Variants in PDE3A observed in about 807,000 individuals in gnomAD.
PDE3A encodes the protein cGMP-inhibited 3',5'-cyclic phosphodiesterase 3A.
A neutral mutation model predicts 98.3 loss-of-function variants in PDE3A; 43 were observed. The ratio of observed to expected loss-of-function variants is 0.44; its 90% CI spans 0.34 to 0.56. The LOEUF is 0.56. Among genes scored for constraint, PDE3A ranks in the 20% least tolerant of loss-of-function variants. The pLI is 0.01. For synonymous variants in PDE3A, 663 were observed against 567.9 expected (o/e 1.17, Z -2.38); for missense variants, 1,427 against 1,440.7 (o/e 0.99, Z 0.15).
intron 15 of PDE3A, among the ~76,000 whole-genome samples, chr12:20,665,730 T>C (rs556227648): frequency 6.6e-6 from 1 of 152,268 alleles, no homozygotes; most frequent in South Asian, 2.1e-4. Context: ...CACTTGATTT[T>C]TTATAGTCAT....
In PDE3A at chr12:20,637,150, A is replaced by C. The variant is rs765934242; in HGVS notation, c.2052A>C (p.Ser684=). The C allele has an allele frequency of 1.2e-5, 20 of 1,609,766 alleles. No individual in the cohort carries two copies. Among genetic ancestry groups the C allele is most frequent in the Non-Finnish European group, 1.6e-5 (19 of 1,176,772 alleles). ...PEPLVMDNLD[S]IMEQLNTWNF... is the part of the protein sequence containing the mutation. ...CTCTTGTCATGGATAACCTGGACTCAATTATGGAGCAGCTAAATACTTGGA... is the reference window on the plus strand; with the variant it reads ...CTCTTGTCATGGATAACCTGGACTCCATTATGGAGCAGCTAAATACTTGGA... Residue 684 remains serine, a synonymous_variant, in exon 9 of 16, where the codon TCA becomes TCC. Transcript: ENST00000359062.
At chr12:20,473,891 G>A (rs1394159310) in intron 1 of PDE3A, among the ~76,000 whole-genome samples, 1 of 151,878 alleles carries the variant, frequency 6.6e-6, no homozygotes, top group African/African-American at 2.4e-5. Context: ...GTATTGATGG[G>A]TTTTTGGATT....
At chr12:20,567,346 A>G (rs1448031048) in intron 2 of PDE3A, among the ~76,000 whole-genome samples, 1 of 152,008 alleles carries the variant, frequency 6.6e-6, no homozygotes, top group African/African-American at 2.4e-5. Context: ...TGAATAATAA[A>G]GCCAAGAAGC....
intron 15 of PDE3A, among the ~76,000 whole-genome samples, chr12:20,664,506 C>T (rs112687181): frequency 1.3e-5 from 2 of 152,054 alleles, no homozygotes; most frequent in African/African-American, 4.8e-5. Context: ...TTTGCTGTGT[C>T]CCCACCCAAA....
chr12:20,472,268 C>G (rs988440949), intron 1 of PDE3A, among the ~76,000 whole-genome samples: 2 of 152,178 alleles, frequency 1.3e-5, no homozygotes, highest in Non-Finnish European at 2.9e-5. Flanking sequence ...TCAGTAAACT[C>G]TAGCCAACTA....
intron 2 of PDE3A, chr12:20,572,257 C>T (rs1252891579): frequency 2.4e-6 from 1 of 419,438 alleles, no homozygotes; most frequent in Non-Finnish European, 3.9e-6. Context: ...AAAATAAATT[C>T]ATAAAGTAAT....
chr12:20,582,057 A>G (rs897277845), intron 2 of PDE3A, among the ~76,000 whole-genome samples: 5 of 152,056 alleles, frequency 3.3e-5, no homozygotes, highest in Non-Finnish European at 5.9e-5. Flanking sequence ...AATTTTCCAA[A>G]CTCTTAGCAA....
intron 4 of PDE3A, among the ~76,000 whole-genome samples, chr12:20,619,965 A>C (rs893716915): frequency 6.6e-6 from 1 of 152,104 alleles, no homozygotes; most frequent in African/African-American, 2.4e-5. Context: ...GATACAGACA[A>C]TAGTAAGACC....
intron 2 of PDE3A, among the ~76,000 whole-genome samples, chr12:20,578,480 C>T (rs201745498): frequency 5.0e-5 from 3 of 60,588 alleles, no homozygotes; most frequent in Non-Finnish European, 1.0e-4. Flanking sequence ...CTAATACACA[C>T]ACACACACAC....
At chr12:20,449,977 A>G (rs1945035668) in intron 1 of PDE3A, 4 of 727,940 alleles carry the variant, frequency 5.5e-6, no homozygotes, top group East Asian at 5.5e-5. Context: ...GTCAGGAACA[A>G]TAAGCCCTTG....
chr12:20,656,513 CT>C (rs1230620529), intron 15 of PDE3A, among the ~76,000 whole-genome samples: 4 of 152,112 alleles, frequency 2.6e-5, no homozygotes, highest in Non-Finnish European at 4.4e-5. Flanking sequence ...TTTCATTTAT[CT>C]GATGCAAATA....
chr12:20,422,096 T>C (rs58919406), intron 1 of PDE3A, among the ~76,000 whole-genome samples: 8,588 of 152,232 alleles, frequency 0.056, 315 homozygotes, highest in African/African-American at 0.11. Flanking sequence ...CCTGTAATCC[T>C]AGCACTTTGG....
intron 1 of PDE3A, among the ~76,000 whole-genome samples, chr12:20,379,134 A>G (rs1348334479): frequency 2.0e-5 from 3 of 151,842 alleles, no homozygotes; most frequent in African/African-American, 7.2e-5. Context: ...AAGAGACCTA[A>G]TGGAAGTTTG....
intron 1 of PDE3A, among the ~76,000 whole-genome samples, chr12:20,434,476 T>C (rs1232853922): frequency 6.6e-6 from 1 of 152,092 alleles, no homozygotes; most frequent in Non-Finnish European, 1.5e-5. Flanking sequence ...TTTGCTAGCT[T>C]TTAGTAACTC....
rs1191715722 is a variant in PDE3A, at chr12:20,685,170, T to G, written c.*4899T>G. Among the ~76,000 whole-genome samples the G allele has an allele frequency of 6.6e-6, 1 of 152,106 alleles. No individual in the cohort carries two copies. The highest frequency in any genetic ancestry group is 1.5e-5 in the Non-Finnish European group (1 of 67,996). ...GCTCACGCCTGTAATCCCAGCACTTTGGGAGGCCAAGGCTGGTGGATCACC... is the reference window on the plus strand; with the variant it reads ...GCTCACGCCTGTAATCCCAGCACTTGGGGAGGCCAAGGCTGGTGGATCACC... On this transcript the variant is annotated 3_prime_UTR_variant, in exon 16 of 16. Coordinates refer to ENST00000359062, the MANE Select transcript of PDE3A (RefSeq NM_000921.5).
intron 1 of PDE3A, among the ~76,000 whole-genome samples, chr12:20,464,517 C>T (rs1227910300): frequency 6.6e-6 from 1 of 152,104 alleles, no homozygotes; most frequent in African/African-American, 2.4e-5. Flanking sequence ...AGTATGATGA[C>T]TGTCCTTCTG....
At position 20,650,592 on chromosome 12, in the gene PDE3A, T is replaced by C; in HGVS notation, c.2917T>C (p.Tyr973His). ...QWTDGIVNEF[Y>H]EQGDEEASLG... ...GACAGATGGTATTGTCAATGAATTT[T>C]ATGAACAGGTAACTGACCACTGTTT... Residue 973 changes from tyrosine (Y) to histidine (H), a missense_variant, in exon 14 of 16, where the codon TAT becomes CAT. By Grantham distance (83) the Tyr-to-His change is moderately conservative (BLOSUM62 2). Transcript: ENST00000359062. 6.2e-7 allele frequency: 1 copy of C among 1,608,372 alleles called. No homozygotes were observed. Among genetic ancestry groups the C allele is most frequent in the Non-Finnish European group, 8.5e-7 (1 of 1,175,380 alleles).
intron 1 of PDE3A, among the ~76,000 whole-genome samples, chr12:20,388,753 C>G (rs1315761558): frequency 6.6e-6 from 1 of 151,998 alleles, no homozygotes; most frequent in Non-Finnish European, 1.5e-5. Flanking sequence ...TATTGATTAA[C>G]TTCAGTTTCA....
Position 20,634,942 on chromosome 12 carries a change from C to T in PDE3A, c.1887C>T (p.Asn629=), listed in dbSNP as rs1385358785. ...TTACCTCTGATTATGAAACCAATAA[C>T]AACAGTGACAGCAGTGACATTGTAC... ...AQVTSDYETN[N]NSDSSDIVQN... Residue 629 remains asparagine, a synonymous_variant, in exon 8 of 16, where the codon AAC becomes AAT. Transcript: ENST00000359062. The T allele has an allele frequency of 6.2e-7, 1 of 1,608,880 alleles. No homozygotes were observed. Among genetic ancestry groups the T allele is most frequent in the African/African-American group, 1.3e-5 (1 of 74,790 alleles).
Sources: gnomAD v4.1 joint callset for allele counts (sites outside exome capture counted in the v4.1 genomes callset) on GRCh38, gnomAD v4.1.1 for gene constraint, MANE v1.5 for transcripts, NCBI Gene and HGNC (gene_info 2026-07-23, HGNC 2026-07-21) for gene names.